The following CDH13 variants were observed in gnomAD, a reference collection of about 807,000 sequenced individuals.
CDH13 encodes cadherin-13.
Under a neutral mutation model 63.8 loss-of-function variants are expected in CDH13, and 24 were observed. The ratio of observed to expected loss-of-function variants is 0.38; its 90% CI spans 0.27 to 0.53. CDH13 has a LOEUF of 0.53. CDH13 is among the 20% of genes least tolerant of loss of function. CDH13 has a pLI of 0.85. For synonymous variants in CDH13, 503 were observed against 355.3 expected (o/e 1.42, Z -4.67); for missense variants, 1,049 against 903.1 (o/e 1.16, Z -2.07).
At chr16:83,202,264 A>G (rs1010716663) in intron 4 of CDH13, among the ~76,000 whole-genome samples, 5 of 152,228 alleles carry the variant, frequency 3.3e-5, no homozygotes, top group South Asian at 4.1e-4. Flanking sequence ...AGGCCCAAGC[A>G]TGGCGCTTTT....
intron 3 of CDH13, among the ~76,000 whole-genome samples, chr16:83,105,525 A>C (rs1309864139): frequency 6.6e-6 from 1 of 152,186 alleles, no homozygotes; most frequent in Non-Finnish European, 1.5e-5. Context: ...TGTTAGGTAA[A>C]ACCCCAAGGT....
intron 4 of CDH13, among the ~76,000 whole-genome samples, chr16:83,176,348 A>G (rs1036919678): frequency 6.6e-6 from 1 of 151,520 alleles, no homozygotes; most frequent in African/African-American, 2.4e-5. Context: ...TGTCTCTTCT[A>G]AAAATACAAA....
At chr16:82,920,878 G>A (rs1300269352) in intron 2 of CDH13, among the ~76,000 whole-genome samples, 2 of 152,104 alleles carry the variant, frequency 1.3e-5, no homozygotes, top group Admixed American at 6.6e-5. Flanking sequence ...CTTTTCAGAT[G>A]TGCTCTTTAT....
chr16:82,661,341 G>T (rs916464386), intron 1 of CDH13, among the ~76,000 whole-genome samples: 1 of 152,234 alleles, frequency 6.6e-6, no homozygotes, highest in African/African-American at 2.4e-5. Flanking sequence ...TAGGGATGGG[G>T]TGGAACAGAT....
At chr16:82,757,528 C>A (rs1013688036) in intron 1 of CDH13, among the ~76,000 whole-genome samples, 1 of 152,174 alleles carries the variant, frequency 6.6e-6, no homozygotes, top group African/African-American at 2.4e-5. Flanking sequence ...AGAGGGCTTC[C>A]GGAACACCTT....
At chr16:82,915,568 G>T (rs963998117) in intron 2 of CDH13, among the ~76,000 whole-genome samples, 3 of 152,000 alleles carry the variant, frequency 2.0e-5, no homozygotes, top group Admixed American at 2.0e-4. Flanking sequence ...ATCTTAGATT[G>T]TCAGGTCGAC....
intron 2 of CDH13, chr16:82,858,802 TCAAAA>T (rs2039810760): frequency 7.8e-6 from 3 of 384,432 alleles, no homozygotes; most frequent in Non-Finnish European, 1.4e-5. Context: ...ATCCCCAAAA[TCAAAA>T]TCATTGCCTT....
chr16:83,608,024 C>T (rs1347836815), intron 8 of CDH13, among the ~76,000 whole-genome samples: 1 of 151,982 alleles, frequency 6.6e-6, no homozygotes, highest in African/African-American at 2.4e-5. Context: ...GATTAATAAA[C>T]TCGCTATTAA....
At chr16:83,618,441 G>T (rs1268772676) in intron 8 of CDH13, among the ~76,000 whole-genome samples, 1 of 149,522 alleles carries the variant, frequency 6.7e-6, no homozygotes, top group South Asian at 2.1e-4. Flanking sequence ...AAAAGAAAAA[G>T]AAAAGCACTA....
Position 82,818,792 on chromosome 16 carries a change from G to T in CDH13, c.46-39570G>T, listed in dbSNP as rs376853460. On this transcript the variant is annotated intron_variant, in intron 1 of 13. Coordinates refer to ENST00000567109, the MANE Select transcript of CDH13 (RefSeq NM_001257.5). ...GTCTCTGTAAAGGCCTTTCTCTCTGGTGTTGCATTTGCGTATTCATATGTC... is the reference window on the plus strand; with the variant it reads ...GTCTCTGTAAAGGCCTTTCTCTCTGTTGTTGCATTTGCGTATTCATATGTC... Among the ~76,000 whole-genome samples, 9 of 152,276 alleles carry T rather than the reference G, an allele frequency of 5.9e-5. No homozygotes were observed. In the South Asian group the frequency reaches 1.9e-3, roughly 32 times the overall value.
chr16:83,311,624 G>A (rs1167964233), intron 5 of CDH13, among the ~76,000 whole-genome samples: 1 of 152,186 alleles, frequency 6.6e-6, no homozygotes, highest in East Asian at 1.9e-4. Flanking sequence ...AGTTCATGCA[G>A]TTACTAACAA....
intron 2 of CDH13, among the ~76,000 whole-genome samples, chr16:82,880,994 G>A (rs1222969600): frequency 6.6e-6 from 1 of 152,234 alleles, no homozygotes; most frequent in Non-Finnish European, 1.5e-5. Context: ...GTGGTGTCTA[G>A]TGTCTCTTCA....
intron 5 of CDH13, among the ~76,000 whole-genome samples, chr16:83,301,025 G>GTTTTT (rs3052591): frequency 0.067 from 5,289 of 78,712 alleles, 589 homozygotes; most frequent in East Asian, 0.096. Context: ...ACTTTCTGGG[G>GTTTTT]TTTTTTTTTT....
chr16:82,694,633 C>G (rs1419210094), intron 1 of CDH13, among the ~76,000 whole-genome samples: 1 of 152,200 alleles, frequency 6.6e-6, no homozygotes, highest in Non-Finnish European at 1.5e-5. Context: ...AATTTTCCCA[C>G]TGCCATGCTT....
At chr16:83,737,399 A>G (rs912722856) in intron 10 of CDH13, among the ~76,000 whole-genome samples, 1 of 152,252 alleles carries the variant, frequency 6.6e-6, no homozygotes, top group Non-Finnish European at 1.5e-5. Context: ...TGATGAAGAT[A>G]TTAAATTCAC....
At chr16:83,065,421 C>A (rs1461722477) in intron 3 of CDH13, among the ~76,000 whole-genome samples, 1 of 152,080 alleles carries the variant, frequency 6.6e-6, no homozygotes, top group Non-Finnish European at 1.5e-5. Context: ...AGACCACTTC[C>A]AGGCTGGGCG....
At chr16:82,754,402 G>A (rs1274302422) in intron 1 of CDH13, among the ~76,000 whole-genome samples, 6 of 152,028 alleles carry the variant, frequency 3.9e-5, no homozygotes, top group Admixed American at 2.6e-4. Flanking sequence ...TTCATTTTAG[G>A]GCCTGAACTT....
At chr16:82,661,195 G>C (rs1280024220) in intron 1 of CDH13, among the ~76,000 whole-genome samples, 4 of 152,172 alleles carry the variant, frequency 2.6e-5, no homozygotes, top group African/African-American at 4.8e-5. Flanking sequence ...GACCTAGTGA[G>C]GTTGGCTTCA....
intron 6 of CDH13, among the ~76,000 whole-genome samples, chr16:83,362,018 T>G (rs1406433172): frequency 6.6e-6 from 1 of 152,158 alleles, no homozygotes; most frequent in Non-Finnish European, 1.5e-5. Context: ...TTGGGCAGTA[T>G]CTCATCTGTT....
Sources: allele counts gnomAD v4.1 joint callset (sites outside exome capture counted in the v4.1 genomes callset), GRCh38; gene constraint gnomAD v4.1.1; transcripts MANE v1.5; gene names NCBI Gene and HGNC (gene_info 2026-07-23, HGNC 2026-07-21).